VIPAS39: variants seen among roughly 807,000 people sequenced by gnomAD.
VIPAS39 encodes spermatogenesis-defective protein 39 homolog.
In VIPAS39, 63 loss-of-function variants were observed where a neutral mutation model predicts 84.7. The observed-to-expected ratio is 0.74, with a 90% confidence interval of 0.61 to 0.92. The LOEUF (loss-of-function observed/expected upper bound fraction) is 0.92. VIPAS39 is among the 40% of genes least tolerant of loss of function. The pLI is 0.00. For missense variants in VIPAS39, 499 were observed against 604.5 expected (o/e 0.83, Z 1.83); for synonymous variants, 192 against 216.5 (o/e 0.89, Z 0.99).
At chr14:77,450,448 G>A (rs1032302869) in intron 4 of VIPAS39, among the ~76,000 whole-genome samples, 9 of 152,172 alleles carry the variant, frequency 5.9e-5, no homozygotes, top group African/African-American at 2.2e-4. Flanking sequence ...ACAAATATAT[G>A]TTCAAGTACC....
chr14:77,440,820 G>A (rs1478067332), intron 11 of VIPAS39, among the ~76,000 whole-genome samples: 1 of 152,198 alleles, frequency 6.6e-6, no homozygotes, highest in East Asian at 1.9e-4. Context: ...CCAGGTTCAA[G>A]CAATTCTCCT....
At chr14:77,454,128 G>T (rs1314778791) in intron 1 of VIPAS39, 26 bp from the exon 2 acceptor site, 6 of 1,605,794 alleles carry the variant, frequency 3.7e-6, no homozygotes, top group Non-Finnish European at 5.1e-6. Flanking sequence ...AACATACATT[G>T]CCCCTTTCTG....
intron 18 of VIPAS39, 151 bp from the exon 19 acceptor site, chr14:77,428,625 CAT>C (rs1249793617): frequency 1.4e-6 from 1 of 722,560 alleles, no homozygotes; most frequent in Non-Finnish European, 2.5e-6. Flanking sequence ...ACTGTGTACA[CAT>C]GAGGGCTTAT....
intron 11 of VIPAS39, among the ~76,000 whole-genome samples, chr14:77,439,276 C>T (rs1036073274): frequency 6.6e-6 from 1 of 152,072 alleles, no homozygotes; most frequent in African/African-American, 2.4e-5. Flanking sequence ...ACCCAAAACA[C>T]ATTTATTCTC....
At chr14:77,428,243 G>A in intron 19 of VIPAS39, 127 bp downstream of exon 19, 1 of 800,950 alleles carries the variant, frequency 1.2e-6, no homozygotes, top group Non-Finnish European at 2.1e-6. Flanking sequence ...GTGGCCAGAG[G>A]AGAGCCTTAC....
rs1250956203 is a variant in VIPAS39, at chr14:77,442,604, G to A, written c.690C>T (p.Phe230=). 3 of 1,614,176 alleles carry A rather than the reference G, an allele frequency of 1.9e-6. No homozygotes were observed. The highest frequency in any genetic ancestry group is 2.5e-6 in the Non-Finnish European group (3 of 1,180,030). Residue 230 remains phenylalanine (F), a synonymous_variant, in exon 10 of 20, where the codon TTC becomes TTT. Coordinates refer to ENST00000557658, the MANE Select transcript of VIPAS39 (RefSeq NM_001193315.2). The part of the protein sequence containing the change: ...RQVALRHLIH[F]LKEIGDQKLL... ...ACTTTTGATCCCCTATTTCCTTAAG[G>A]AAGTGAATAAGATGTCTCAGGGCAA... is the stretch of plus-strand genomic sequence containing the variant.
At chr14:77,442,744 C>A in intron 9 of VIPAS39, 82 bp from the exon 10 acceptor site, 1 of 1,223,148 alleles carries the variant, frequency 8.2e-7, no homozygotes, top group Non-Finnish European at 1.2e-6. Context: ...CTCACACATT[C>A]CAAATATTAT....
intron 15 of VIPAS39, 133 bp downstream of exon 15, chr14:77,434,129 T>C (rs1018871514): frequency 1.6e-6 from 2 of 1,212,128 alleles, no homozygotes; most frequent in Non-Finnish European, 2.5e-6. Flanking sequence ...CTTCTCTCAC[T>C]TTCCCAAACT....
At chr14:77,434,405 TCTG>T in intron 14 of VIPAS39, 102 bp from the exon 15 acceptor site, 1 of 1,040,552 alleles carries the variant, frequency 9.6e-7, no homozygotes, top group Non-Finnish European at 1.5e-6. Context: ...TACATCTTAC[TCTG>T]CTGCCATTTA....
intron 12 of VIPAS39, among the ~76,000 whole-genome samples, 187 bp from the exon 13 acceptor site, chr14:77,436,106 T>C (rs532037824): frequency 1.2e-4 from 18 of 152,358 alleles, no homozygotes; most frequent in African/African-American, 4.3e-4. Flanking sequence ...TTAAAGGTTT[T>C]GCCAATTCAA....
rs2063997 is a variant in VIPAS39, at chr14:77,436,075, A to G, written c.837-156T>C. Among the ~76,000 whole-genome samples the G allele has an allele frequency of 0.28, 42,111 of 152,194 alleles. 6,099 individuals are homozygous for G. The highest frequency in any genetic ancestry group is 0.32 in the Middle Eastern group (93 of 294). On this transcript the variant is annotated intron_variant, in intron 12 of 19. Transcript: ENST00000557658. ...AGCGTCCCTTAAAGAAAGACATCGC[A>G]TGAATGGCGTGAATTTCATATTAAA...
intron 1 of VIPAS39, 98 bp downstream of exon 1, chr14:77,457,397 G>C (rs2078977677): frequency 6.5e-7 from 1 of 1,535,616 alleles, no homozygotes; most frequent in Non-Finnish European, 8.7e-7. Flanking sequence ...TGTAGTCATA[G>C]GGTGTAGGGA....
At position 77,427,403 on chromosome 14, in the gene VIPAS39, T is replaced by G; in HGVS notation, c.*213A>C. On this transcript the variant is annotated 3_prime_UTR_variant, in exon 20 of 20. Transcript: ENST00000557658. ...ATGAGCACCAGGTGGAGAGAATCAT[T>G]CTCATGACTCAAAGCTTTAGATCTC... The G allele has an allele frequency of 8.2e-6, 5 of 606,714 alleles. No homozygotes were observed. In the South Asian group the frequency reaches 1.0e-4, roughly 12 times the overall value. The allele number at this position is 606,714 out of a possible 1,614,324, so 37.6% of individuals were successfully genotyped here. A position where few individuals can be genotyped will look rare whatever the true frequency, so the allele number is the denominator to read the frequency against.
At chr14:77,443,187 T>C in intron 8 of VIPAS39, 35 bp from the exon 9 acceptor site, 4 of 1,613,998 alleles carry the variant, frequency 2.5e-6, no homozygotes, top group Middle Eastern at 3.3e-4. Flanking sequence ...GTGCAAACTT[T>C]CCAACACAGA....
intron 11 of VIPAS39, among the ~76,000 whole-genome samples, chr14:77,440,782 G>A (rs554730350): frequency 1.3e-5 from 2 of 152,120 alleles, no homozygotes; most frequent in African/African-American, 2.4e-5. Flanking sequence ...GCAATGGCAC[G>A]ATCTCAGATC....
Position 77,449,447 on chromosome 14 carries a change from G to T in VIPAS39, c.383-90C>A. 4 of 1,513,640 alleles carry T rather than the reference G, an allele frequency of 2.6e-6. No individual in the cohort carries two copies. In the South Asian group the frequency reaches 4.5e-5, roughly 17 times the overall value. The allele number at this position is 1,513,640 out of a possible 1,614,324, so 93.8% of individuals were successfully genotyped here. A position where few individuals can be genotyped will look rare whatever the true frequency, so the allele number is the denominator to read the frequency against. Reference sequence around the variant, plus strand: ...TACTTCTTCGTTCTCACATTTTTTTGACTTGTGGGCTCCCAATGTTAACTT... The same window carrying T: ...TACTTCTTCGTTCTCACATTTTTTTTACTTGTGGGCTCCCAATGTTAACTT... On this transcript the variant is annotated intron_variant, in intron 5 of 19. Transcript: ENST00000557658.
In VIPAS39 at chr14:77,448,378, T is replaced by A. The variant is rs76597851; in HGVS notation, c.504+116A>T. The A allele has an allele frequency of 6.5e-3, 7,165 of 1,105,364 alleles. 329 individuals carry two copies. The African/African-American group carries it at 0.096, about 15-fold the overall frequency. 68.5% of individuals were successfully genotyped at this position (1,105,364 alleles called of 1,614,324 possible). On this transcript the variant is annotated intron_variant, in intron 7 of 19. Transcript: ENST00000557658. ...CTGACTTTCAACCTTAGTGGATTTA[T>A]TTTCCCCCTGAAATTCATTGAACAA...
chr14:77,443,730 A>G (rs1002306310), intron 8 of VIPAS39, among the ~76,000 whole-genome samples: 1 of 152,102 alleles, frequency 6.6e-6, no homozygotes, highest in Non-Finnish European at 1.5e-5. Context: ...CCCCATATCT[A>G]CTAAAAATAC....
rs2078730692 is a variant in VIPAS39, at chr14:77,443,254, G to A, written c.598-102C>T. 5.7e-6 allele frequency: 8 copies of A among 1,397,612 alleles called. No individual in the cohort carries two copies. The Admixed American group carries it at 8.6e-5, about 15-fold the overall frequency. 86.6% of individuals were successfully genotyped at this position (1,397,612 alleles called of 1,614,324 possible). A position where few individuals can be genotyped will look rare whatever the true frequency, so the allele number is the denominator to read the frequency against. On this transcript the variant is annotated intron_variant, in intron 8 of 19. Transcript: ENST00000557658. ...AGCAACTCATTAGCAATCTCTGAAGGTATAGCCAACAGCTCTGTATGTGAT... is the reference window on the plus strand; with the variant it reads ...AGCAACTCATTAGCAATCTCTGAAGATATAGCCAACAGCTCTGTATGTGAT...
Sources: gnomAD v4.1 joint callset for allele counts (sites outside exome capture counted in the v4.1 genomes callset) on GRCh38, gnomAD v4.1.1 for gene constraint, MANE v1.5 for transcripts, NCBI Gene and HGNC (gene_info 2026-07-23, HGNC 2026-07-21) for gene names.